ANKRD6: variants seen among roughly 807,000 people sequenced by gnomAD.
The protein encoded by ANKRD6 is ankyrin repeat domain 6.
ANKRD6 carries 56 observed loss-of-function variants against 82.3 expected under a neutral mutation model. The observed-to-expected ratio is 0.68, with a 90% CI of 0.55 to 0.85. ANKRD6 has a LOEUF of 0.85. Ranked by LOEUF, ANKRD6 falls within the 40% of genes least tolerant of loss-of-function variation. The probability of loss-of-function intolerance (pLI) is 0.00; values close to 1 mark genes in which losing one functional copy is unlikely to be tolerated. For missense variants in ANKRD6, 852 were observed against 907.6 expected (o/e 0.94, Z 0.79); for synonymous variants, 347 against 352.1 (o/e 0.99, Z 0.16).
At chr6:89,624,507 AG>A in intron 12 of ANKRD6, 31 bp from the exon 13 acceptor site, 6 of 1,550,496 alleles carry the variant, frequency 3.9e-6, no homozygotes, top group Non-Finnish European at 5.2e-6. Context: ...GGAATGAACA[AG>A]GGATTGATTC....
chr6:89,508,427 G>A (rs937890387), intron 1 of ANKRD6, among the ~76,000 whole-genome samples: 2 of 152,216 alleles, frequency 1.3e-5, no homozygotes, highest in African/African-American at 2.4e-5. Context: ...GAATTCCCAG[G>A]AGGTGGAACT....
intron 1 of ANKRD6, among the ~76,000 whole-genome samples, chr6:89,496,527 T>A (rs9451233): frequency 0.17 from 26,202 of 151,410 alleles, 2,414 homozygotes; most frequent in South Asian, 0.33. Context: ...TTAATTAATT[T>A]ATTTATTTAT....
At chr6:89,461,762 T>C (rs17806404) in intron 1 of ANKRD6, among the ~76,000 whole-genome samples, 46,454 of 152,068 alleles carry the variant, frequency 0.31, 7,321 homozygotes, top group African/African-American at 0.35. Context: ...CCCAGACTTT[T>C]GTGAATAGAG....
intron 1 of ANKRD6, among the ~76,000 whole-genome samples, chr6:89,521,342 A>T (rs1307128899): frequency 6.6e-6 from 1 of 152,132 alleles, no homozygotes; most frequent in African/African-American, 2.4e-5. Flanking sequence ...TGTCATCTAG[A>T]CTCAGGGTTC....
intron 2 of ANKRD6, among the ~76,000 whole-genome samples, chr6:89,570,343 G>A (rs1186733109): frequency 1.3e-5 from 2 of 152,120 alleles, no homozygotes; most frequent in African/African-American, 2.4e-5. Context: ...TTACAGGCAT[G>A]AGCCACCATG....
intron 1 of ANKRD6, among the ~76,000 whole-genome samples, chr6:89,471,878 G>A (rs953018437): frequency 7.3e-6 from 1 of 137,080 alleles, no homozygotes; most frequent in Non-Finnish European, 1.5e-5. Flanking sequence ...GGCAGAGTTT[G>A]CAGTGAGATG....
chr6:89,448,787 T>C (rs569684997), intron 1 of ANKRD6, among the ~76,000 whole-genome samples: 40 of 152,178 alleles, frequency 2.6e-4, no homozygotes, highest in African/African-American at 8.7e-4. Context: ...TCCTAGCACT[T>C]TGGGAGGCCG....
intron 1 of ANKRD6, among the ~76,000 whole-genome samples, chr6:89,452,247 T>A (rs958590316): frequency 6.6e-6 from 1 of 152,208 alleles, no homozygotes; most frequent in Non-Finnish European, 1.5e-5. Flanking sequence ...ATGGAGTTAA[T>A]ATCCCAGTTA....
At chr6:89,563,033 G>A (rs191849862) in intron 1 of ANKRD6, 21 of 152,254 alleles carry the variant, frequency 1.4e-4, no homozygotes, top group Admixed American at 7.2e-4. Context: ...ATGCCTGGCC[G>A]GGACTTTTAT....
intron 1 of ANKRD6, among the ~76,000 whole-genome samples, chr6:89,542,827 T>A (rs369781541): frequency 7.9e-5 from 12 of 152,362 alleles, no homozygotes; most frequent in African/African-American, 2.9e-4. Context: ...TCTACTCATA[T>A]GAGGGCAAAA....
At chr6:89,614,006 G>T in intron 7 of ANKRD6, 116 bp downstream of exon 7, 4 of 1,011,460 alleles carry the variant, frequency 4.0e-6, no homozygotes, top group East Asian at 2.6e-5. Flanking sequence ...TCACCTACCT[G>T]GGACTCAGCC....
At chr6:89,482,709 C>T (rs1776948299) in intron 1 of ANKRD6, among the ~76,000 whole-genome samples, 1 of 152,178 alleles carries the variant, frequency 6.6e-6, no homozygotes, top group South Asian at 2.1e-4. Context: ...CTTTGTTCTG[C>T]TGTTTGGAAC....
chr6:89,625,855 T>G (rs537600957), intron 13 of ANKRD6, among the ~76,000 whole-genome samples: 1 of 152,086 alleles, frequency 6.6e-6, no homozygotes, highest in South Asian at 2.1e-4. Flanking sequence ...CACCTCAGTC[T>G]GCTGAGTAGC....
At chr6:89,473,345 G>A (rs1217799715) in intron 1 of ANKRD6, among the ~76,000 whole-genome samples, 1 of 151,242 alleles carries the variant, frequency 6.6e-6, no homozygotes, top group Non-Finnish European at 1.5e-5. Flanking sequence ...TGGCGGTGGA[G>A]TGAGCCAAGA....
rs1191611423 is a variant in ANKRD6 at position 89,470,267 on chromosome 6, C to T, written c.-144+36892C>T. Among the ~76,000 whole-genome samples, 10 of 152,106 alleles carry T rather than the reference C, an allele frequency of 6.6e-5. No homozygotes were observed. In the South Asian group the frequency reaches 1.9e-3, roughly 28 times the overall value. On this transcript the variant is annotated intron_variant, in intron 1 of 15. Transcript: ENST00000339746. ...TCTTTACAAGCTAGTTCTTGTTAAT[C>T]CTCAGGAAAACGTTACTGAAAATGG...
At chr6:89,528,787 G>A (rs1562728795) in intron 1 of ANKRD6, among the ~76,000 whole-genome samples, 1 of 152,210 alleles carries the variant, frequency 6.6e-6, no homozygotes, top group Non-Finnish European at 1.5e-5. Flanking sequence ...GTTTTGTTTA[G>A]TAGGCATGAA....
chr6:89,550,510 A>G (rs1785685462), intron 1 of ANKRD6, among the ~76,000 whole-genome samples: 1 of 152,192 alleles, frequency 6.6e-6, no homozygotes, highest in African/African-American at 2.4e-5. Context: ...CAGGACAGTG[A>G]CTACTCTTGA....
At chr6:89,447,927 TC>T (rs1393506820) in intron 1 of ANKRD6, among the ~76,000 whole-genome samples, 1 of 150,970 alleles carries the variant, frequency 6.6e-6, no homozygotes, top group Non-Finnish European at 1.5e-5. Flanking sequence ...CCTCAAGTGA[TC>T]CGCCTGCCTC....
chr6:89,621,837 G>T, intron 9 of ANKRD6, 85 bp from the exon 10 acceptor site: 1 of 1,343,406 alleles, frequency 7.4e-7, no homozygotes, highest in African/African-American at 1.4e-5. Context: ...ATTCCATTAG[G>T]TCAGAGCCCC....
Sources: allele counts gnomAD v4.1 joint callset (sites outside exome capture counted in the v4.1 genomes callset), GRCh38; gene constraint gnomAD v4.1.1; transcripts MANE v1.5; gene names NCBI Gene and HGNC (gene_info 2026-07-23, HGNC 2026-07-21).